Variants in EXOC4 observed in about 807,000 individuals in gnomAD.
The protein encoded by EXOC4 is SEC8-like 1.
Under a neutral mutation model 107.2 loss-of-function variants are expected in EXOC4, and 71 were observed. The observed-to-expected ratio is 0.66, with a 90% CI of 0.55 to 0.81. The LOEUF (loss-of-function observed/expected upper bound fraction) is 0.81, where lower values mean the gene tolerates loss of function less well. Ranked by LOEUF, EXOC4 falls within the 30% of genes least tolerant of loss-of-function variation. The probability of loss-of-function intolerance (pLI) is 0.00; values close to 1 mark genes in which losing one functional copy is unlikely to be tolerated. For missense variants in EXOC4, 1,108 were observed against 1,189.6 expected (o/e 0.93, Z 1.01); for synonymous variants, 456 against 441.2 (o/e 1.03, Z -0.42).
chr7:133,356,809 G>A (rs1796030977), intron 6 of EXOC4, among the ~76,000 whole-genome samples: 1 of 152,138 alleles, frequency 6.6e-6, no homozygotes, highest in Admixed American at 6.5e-5. Context: ...GTGAAACCCT[G>A]TCTCTACTAA....
At chr7:133,385,168 G>A (rs548984256) in intron 7 of EXOC4, among the ~76,000 whole-genome samples, 1 of 152,316 alleles carries the variant, frequency 6.6e-6, no homozygotes, top group Admixed American at 6.5e-5. Flanking sequence ...GTCTTTTAAG[G>A]CCTGGCCTTG....
chr7:133,847,738 C>T (rs753822739), intron 11 of EXOC4, among the ~76,000 whole-genome samples: 4 of 151,558 alleles, frequency 2.6e-5, no homozygotes, highest in African/African-American at 4.9e-5. Context: ...GACGGAGTCT[C>T]GCTCTTGTCG....
chr7:133,740,997 A>G (rs528434076), intron 10 of EXOC4, among the ~76,000 whole-genome samples: 7 of 152,188 alleles, frequency 4.6e-5, no homozygotes, highest in Non-Finnish European at 8.8e-5. Context: ...TTGCAGCTCA[A>G]TTAACACTGG....
rs149156233 is a variant in EXOC4, at chr7:133,804,803, T to A, written c.1515-12522T>A. Among the ~76,000 whole-genome samples, 63 of 152,346 alleles carry A rather than the reference T, an allele frequency of 4.1e-4. No individual in the cohort carries two copies. In the East Asian group the frequency reaches 9.4e-3, roughly 23 times the overall value. ...TTGCCTTAAAAATTCCTCATTGATA[T>A]GTTTAACATAGTACATGCATCCTTA... On this transcript the variant is annotated intron_variant, in intron 10 of 17. Coordinates refer to ENST00000253861, the MANE Select transcript of EXOC4 (RefSeq NM_021807.4).
At chr7:133,441,814 C>G (rs181724516) in intron 7 of EXOC4, among the ~76,000 whole-genome samples, 8 of 152,272 alleles carry the variant, frequency 5.3e-5, no homozygotes, top group Non-Finnish European at 8.8e-5. Flanking sequence ...CACTGTTAAG[C>G]CTGTGTGTTT....
intron 11 of EXOC4, among the ~76,000 whole-genome samples, chr7:133,825,099 C>G (rs1797668979): frequency 6.6e-6 from 1 of 151,176 alleles, no homozygotes; most frequent in Non-Finnish European, 1.5e-5. Context: ...CCTGTAATCT[C>G]AATACTTTGG....
intron 10 of EXOC4, among the ~76,000 whole-genome samples, chr7:133,770,216 T>C (rs144597862): frequency 1.3e-5 from 2 of 152,026 alleles, no homozygotes; most frequent in African/African-American, 4.8e-5. Context: ...ACTTTACCTG[T>C]ACAATAGTTC....
intron 7 of EXOC4, among the ~76,000 whole-genome samples, chr7:133,386,825 G>GT (rs34636956): frequency 0.36 from 53,751 of 148,472 alleles, 9,978 homozygotes; most frequent in African/African-American, 0.46. Flanking sequence ...TGAAAGGAGA[G>GT]TTTTTTTTTT....
chr7:133,643,115 T>A (rs1471262034), intron 10 of EXOC4, among the ~76,000 whole-genome samples: 1 of 152,198 alleles, frequency 6.6e-6, no homozygotes, highest in Non-Finnish European at 1.5e-5. Flanking sequence ...ACACAGGTGT[T>A]ATTTGATGTA....
chr7:133,320,439 T>C (rs1013199498), intron 5 of EXOC4, among the ~76,000 whole-genome samples: 73 of 152,214 alleles, frequency 4.8e-4, no homozygotes, highest in African/African-American at 1.6e-3. Flanking sequence ...CACATTCTTC[T>C]CATGTTGCCT....
intron 9 of EXOC4, among the ~76,000 whole-genome samples, chr7:133,591,547 GGTGTGTGTGTGTGTGTGTGTGC>G (rs1171456495): frequency 1.7e-5 from 1 of 59,182 alleles, no homozygotes; most frequent in Non-Finnish European, 3.6e-5. Context: ...TTAAAGATCT[GGTGTGTGTGTGTGTGTGTGTGC>G]GTGTGTGTGT....
chr7:133,981,658 T>TAAATTA (rs1793981543), intron 14 of EXOC4, among the ~76,000 whole-genome samples: 2 of 152,036 alleles, frequency 1.3e-5, no homozygotes, highest in Admixed American at 6.6e-5. Context: ...GGTGGGAGTG[T>TAAATTA]AAATTAGTTC....
At chr7:134,056,722 T>C (rs747467643) in intron 17 of EXOC4, among the ~76,000 whole-genome samples, 54 of 152,194 alleles carry the variant, frequency 3.5e-4, no homozygotes, top group Non-Finnish European at 7.3e-5. Flanking sequence ...AATCCTTAAG[T>C]TGTTGAAGAG....
intron 9 of EXOC4, among the ~76,000 whole-genome samples, chr7:133,548,280 C>T (rs758148395): frequency 3.4e-4 from 51 of 152,172 alleles, no homozygotes; most frequent in Non-Finnish European, 6.2e-4. Flanking sequence ...CTTTCGGCTC[C>T]ACTTCTATTT....
intron 5 of EXOC4, among the ~76,000 whole-genome samples, chr7:133,354,644 C>T (rs975909324): frequency 6.6e-6 from 1 of 152,186 alleles, no homozygotes; most frequent in South Asian, 2.1e-4. Context: ...CTCTTTGTAC[C>T]TCTGTGATTA....
At chr7:133,568,936 A>T (rs1440613596) in intron 9 of EXOC4, among the ~76,000 whole-genome samples, 1 of 152,196 alleles carries the variant, frequency 6.6e-6, no homozygotes, top group African/African-American at 2.4e-5. Context: ...GTGTGAATAG[A>T]TCAACTGATA....
chr7:133,653,466 A>G (rs1296469336), intron 10 of EXOC4, among the ~76,000 whole-genome samples: 2 of 152,224 alleles, frequency 1.3e-5, no homozygotes. Context: ...TTTTTGCACT[A>G]TTTTGTGTTT....
At chr7:133,467,421 C>G (rs1433233045) in intron 7 of EXOC4, among the ~76,000 whole-genome samples, 1 of 151,942 alleles carries the variant, frequency 6.6e-6, no homozygotes, top group Admixed American at 6.6e-5. Context: ...CCTGATCATT[C>G]ATTTTTGCCC....
chr7:133,712,711 G>A (rs748217207), intron 10 of EXOC4, among the ~76,000 whole-genome samples: 27 of 152,178 alleles, frequency 1.8e-4, no homozygotes, highest in Admixed American at 3.3e-4. Context: ...CCAAATAGCC[G>A]TCAGCAAATA....
Sources: gnomAD v4.1 joint callset for allele counts (sites outside exome capture counted in the v4.1 genomes callset) on GRCh38, gnomAD v4.1.1 for gene constraint, MANE v1.5 for transcripts, NCBI Gene and HGNC (gene_info 2026-07-23, HGNC 2026-07-21) for gene names.